The following DYTN variants were observed in gnomAD, a reference collection of about 807,000 sequenced individuals.
DYTN encodes the protein dystrotelin.
A neutral mutation model predicts 69.6 loss-of-function variants in DYTN; 75 were observed. That is an observed-to-expected ratio of 1.08 (90% CI 0.89 to 1.31). The LOEUF is 1.31. Ranked by LOEUF, DYTN falls within the 50% of genes most tolerant of loss-of-function variation. The pLI is 0.00. For missense variants in DYTN, 726 were observed against 688.4 expected, an observed-to-expected ratio of 1.05 and a Z score of -0.61; for synonymous variants, 252 against 249.1, an observed-to-expected ratio of 1.01 and a Z score of -0.11.
At chr2:206,692,659 T>A (rs1293976111) in intron 9 of DYTN, among the ~76,000 whole-genome samples, 1 of 151,980 alleles carries the variant, frequency 6.6e-6, no homozygotes, top group Non-Finnish European at 1.5e-5. Context: ...AGGAAGAGAG[T>A]AAGGCCATTA....
chr2:206,680,397 A>G, intron 9 of DYTN, among the ~76,000 whole-genome samples: 1 of 152,174 alleles, frequency 6.6e-6, no homozygotes, highest in Non-Finnish European at 1.5e-5. Context: ...GGGTGGGGAG[A>G]CAACCATATC....
chr2:206,683,636 G>A (rs950038800), intron 9 of DYTN, among the ~76,000 whole-genome samples: 35 of 151,964 alleles, frequency 2.3e-4, no homozygotes, highest in Middle Eastern at 3.4e-3. Context: ...GAGCCACCGC[G>A]CCCTGCCTTA....
chr2:206,688,627 G>C (rs993474885), intron 9 of DYTN, among the ~76,000 whole-genome samples: 2 of 152,112 alleles, frequency 1.3e-5, no homozygotes, highest in African/African-American at 2.4e-5. Context: ...TAATTTTAGG[G>C]TTACAAATAA....
At chr2:206,693,989 T>C (rs6760991) in intron 8 of DYTN, among the ~76,000 whole-genome samples, 12,985 of 152,234 alleles carry the variant, frequency 0.085, 1,787 homozygotes, top group African/African-American at 0.29. Flanking sequence ...GGCACTTGAC[T>C]TTTGCAGGCC....
chr2:206,662,023 G>T (rs1383190247), intron 11 of DYTN, among the ~76,000 whole-genome samples: 1 of 152,190 alleles, frequency 6.6e-6, no homozygotes, highest in East Asian at 1.9e-4. Context: ...GTGAAGTAGG[G>T]CAGCAGCAGT....
At chr2:206,704,151 T>G (rs2105900526) in intron 5 of DYTN, among the ~76,000 whole-genome samples, 1 of 152,310 alleles carries the variant, frequency 6.6e-6, no homozygotes, top group African/African-American at 2.4e-5. Context: ...TATCAGGCAC[T>G]GTTCAAGTCA....
intron 9 of DYTN, among the ~76,000 whole-genome samples, chr2:206,683,810 T>A (rs6738902): frequency 0.059 from 8,997 of 152,120 alleles, 374 homozygotes; most frequent in Non-Finnish European, 0.079. Flanking sequence ...CAGTTTGCAG[T>A]GTCCTTTTCT....
intron 11 of DYTN, 134 bp from the exon 12 acceptor site, chr2:206,652,055 T>C: frequency 1.4e-6 from 1 of 726,314 alleles, no homozygotes; most frequent in Non-Finnish European, 2.2e-6. Flanking sequence ...GTCCTTAAGT[T>C]AGCCAGCAAA....
intron 9 of DYTN, among the ~76,000 whole-genome samples, chr2:206,676,843 A>G (rs961819205): frequency 6.6e-6 from 1 of 152,156 alleles, no homozygotes. Context: ...GGTGATGGGT[A>G]TGTTTATGGT....
In DYTN at chr2:206,663,030, A is replaced by AG. The variant is rs769656514; in HGVS notation, c.1505dup (p.Ala503CysfsTer12). On this transcript the variant is annotated frameshift_variant, in exon 11 of 12. Coordinates refer to ENST00000452335, the MANE Select transcript of DYTN (RefSeq NM_001093730.1). LOFTEE classifies it high-confidence loss of function. Reference sequence around the variant, plus strand: ...CTTTCTTTTCCACGGCTGCCAGAGCAGGACTGCTCATTTCAGCAGGAACCA... The same window carrying AG: ...CTTTCTTTTCCACGGCTGCCAGAGCAGGGACTGCTCATTTCAGCAGGAACCA... 6.2e-7 allele frequency: 1 copy of AG among 1,613,868 alleles called. No individual in the cohort carries two copies. The highest frequency in any genetic ancestry group is 2.2e-5 in the East Asian group (1 of 44,874).
At chr2:206,698,153 T>C (rs1699940547) in intron 7 of DYTN, among the ~76,000 whole-genome samples, 1 of 152,170 alleles carries the variant, frequency 6.6e-6, no homozygotes, top group Non-Finnish European at 1.5e-5. Context: ...TAATTTATTT[T>C]TCTTTGTTGT....
intron 9 of DYTN, among the ~76,000 whole-genome samples, chr2:206,676,899 T>A (rs1378467022): frequency 6.6e-6 from 1 of 151,480 alleles, no homozygotes; most frequent in African/African-American, 2.4e-5. Context: ...TGGTATACAT[T>A]AAATATGTAC....
rs114366401 is a variant in DYTN, at chr2:206,680,059, C to T, written c.980+13116G>A. Among the ~76,000 whole-genome samples, 263 of 152,260 alleles carry T rather than the reference C, an allele frequency of 1.7e-3. 1 individual carries two copies. Among genetic ancestry groups the T allele is most frequent in the African/African-American group, 5.7e-3 (238 of 41,532 alleles). On this transcript the variant is annotated intron_variant, in intron 9 of 11. Coordinates refer to ENST00000452335, the MANE Select transcript of DYTN (RefSeq NM_001093730.1). ...GTGGTCGGTCATACACTGTGTTAGT[C>T]AATTTTCATACTGCTGTGAAGAAAT... is the stretch of plus-strand genomic sequence containing the variant.
At chr2:206,655,587 A>ATTTTT (rs146939602) in intron 11 of DYTN, among the ~76,000 whole-genome samples, 1 of 138,248 alleles carries the variant, frequency 7.2e-6, no homozygotes. Context: ...TTAAAAAAAA[A>ATTTTT]TTTTTTTTTT....
chr2:206,674,898 G>A (rs114212742), intron 9 of DYTN, among the ~76,000 whole-genome samples: 1,654 of 151,754 alleles, frequency 0.011, 12 homozygotes, highest in Non-Finnish European at 0.018. Context: ...CTTCCTCTAC[G>A]TTAAAAACCA....
intron 9 of DYTN, among the ~76,000 whole-genome samples, chr2:206,682,834 T>C (rs1037903793): frequency 6.6e-6 from 1 of 152,172 alleles, no homozygotes; most frequent in Non-Finnish European, 1.5e-5. Context: ...TCTCGGTTGA[T>C]GGCAATCTTA....
Position 206,707,512 on chromosome 2 carries a change from A to G in DYTN, c.95-9T>C. On this transcript the variant is annotated splice_polypyrimidine_tract_variant and intron_variant, in intron 2 of 11. Coordinates refer to ENST00000452335, the MANE Select transcript of DYTN (RefSeq NM_001093730.1). The stretch of plus-strand genomic sequence containing the variant: ...GCTGTCAATCAAGTCCACTGTAGGA[A>G]GCAAATGAAGAATTGAGCCTTATTT... The G allele has an allele frequency of 6.2e-7, 1 of 1,601,954 alleles. No homozygotes were observed. Among genetic ancestry groups the G allele is most frequent in the Non-Finnish European group, 8.5e-7 (1 of 1,174,104 alleles).
At position 206,663,393 on chromosome 2, in the gene DYTN, T is replaced by C. The variant is rs769317742; in HGVS notation, c.1143A>G (p.Ala381=). The C allele has an allele frequency of 1.3e-6, 2 of 1,569,038 alleles. No individual in the cohort carries two copies. Among genetic ancestry groups the C allele is most frequent in the Non-Finnish European group, 1.7e-6 (2 of 1,161,780 alleles). The part of the protein sequence containing the change: ...KLQQIRRDLQ[A]RLQPPGPSSS... Reference sequence around the variant, plus strand: ...ATGAAGGACCGGGTGGCTGCAACCTTGCCTGGGGAAACAAAACTTTATTTA... The same window carrying C: ...ATGAAGGACCGGGTGGCTGCAACCTCGCCTGGGGAAACAAAACTTTATTTA... Residue 381 remains alanine (A), a splice_region_variant and synonymous_variant, in exon 11 of 12, where the codon GCA becomes GCG. Coordinates refer to ENST00000452335, the MANE Select transcript of DYTN (RefSeq NM_001093730.1).
At chr2:206,685,168 T>TTATTTATG (rs1699791971) in intron 9 of DYTN, among the ~76,000 whole-genome samples, 1 of 151,334 alleles carries the variant, frequency 6.6e-6, no homozygotes, top group Non-Finnish European at 1.5e-5. Context: ...ATTTATTTAT[T>TTATTTATG]TATTTATTTA....
Sources: gnomAD v4.1 joint callset for allele counts (sites outside exome capture counted in the v4.1 genomes callset) on GRCh38, gnomAD v4.1.1 for gene constraint, MANE v1.5 for transcripts, NCBI Gene and HGNC (gene_info 2026-07-23, HGNC 2026-07-21) for gene names.